Variants in SLC37A2 observed in about 807,000 individuals in gnomAD.
SLC37A2 encodes the protein solute carrier family 37 member 2.
In SLC37A2, 59 loss-of-function variants were observed where a neutral mutation model predicts 70.7. The observed-to-expected ratio is 0.83, with a 90% CI of 0.68 to 1.04. SLC37A2 has a LOEUF of 1.04. Among genes scored for constraint, SLC37A2 ranks in the 50% least tolerant of loss-of-function variants. The probability of loss-of-function intolerance (pLI) is 0.00; values close to 1 mark genes in which losing one functional copy is unlikely to be tolerated. For synonymous variants in SLC37A2, 257 were observed against 262.1 expected, an observed-to-expected ratio of 0.98 and a Z score of 0.19; for missense variants, 580 against 658.1, an observed-to-expected ratio of 0.88 and a Z score of 1.30.
chr11:125,073,075 C>T (rs758389234), intron 1 of SLC37A2, among the ~76,000 whole-genome samples: 1 of 152,160 alleles, frequency 6.6e-6, no homozygotes, highest in Non-Finnish European at 1.5e-5. Flanking sequence ...TGGTGGATTT[C>T]AGGGAGTTGG....
chr11:125,070,332 A>T (rs1429920801), intron 1 of SLC37A2, among the ~76,000 whole-genome samples: 1 of 152,230 alleles, frequency 6.6e-6, no homozygotes, highest in Non-Finnish European at 1.5e-5. Context: ...GGGGAAAGAC[A>T]TTCAAATTCA....
rs539972579 is a variant in SLC37A2, at chr11:125,065,238, A to G, written c.59+1812A>G. Among the ~76,000 whole-genome samples, 352 of 152,276 alleles carry G rather than the reference A, an allele frequency of 2.3e-3. 2 individuals are homozygous for G. The highest frequency in any genetic ancestry group is 8.0e-3 in the African/African-American group (331 of 41,544). ...TTTTTCTACAGTCTCTCCTGTTTTGATTTTTAAGAAAATTCTTAGAAGGAT... is the reference window on the plus strand; with the variant it reads ...TTTTTCTACAGTCTCTCCTGTTTTGGTTTTTAAGAAAATTCTTAGAAGGAT... On this transcript the variant is annotated intron_variant, in intron 1 of 17. Transcript: ENST00000403796.
At position 125,090,116 on chromosome 11, in the gene SLC37A2, C is replaced by T. The variant is rs1172219709; in HGVS notation, c.*1982C>T. 6.6e-6 allele frequency: 1 copy of T among 151,712 alleles called. No individual in the cohort carries two copies. Among genetic ancestry groups the T allele is most frequent in the Admixed American group, 6.6e-5 (1 of 15,240 alleles). The allele number at this position is 151,712 out of a possible 1,614,324, so 9.4% of individuals were successfully genotyped here. A position where few individuals can be genotyped will look rare whatever the true frequency, so the allele number is the denominator to read the frequency against. The stretch of plus-strand genomic sequence containing the variant: ...GGCCTCGGAGAACCTTTATATCTAG[C>T]TCAGGGATTGTAAATACACCCATCG... On this transcript the variant is annotated 3_prime_UTR_variant, in exon 18 of 18. Transcript: ENST00000403796.
At chr11:125,086,081 C>T (rs3808995) in intron 17 of SLC37A2, 63 bp downstream of exon 17, 973,528 of 1,560,606 alleles carry the variant, frequency 0.62, 310,040 homozygotes, top group African/African-American at 0.91. Context: ...ATCAGCCCAG[C>T]GCTCAGTTTC....
intron 1 of SLC37A2, among the ~76,000 whole-genome samples, chr11:125,069,170 G>C (rs992570464): frequency 2.6e-5 from 4 of 152,190 alleles, no homozygotes; most frequent in African/African-American, 9.7e-5. Context: ...TGTAATTTTT[G>C]TGGAACTGCA....
At chr11:125,067,605 TGAAA>T (rs1948994677) in intron 1 of SLC37A2, among the ~76,000 whole-genome samples, 1 of 152,224 alleles carries the variant, frequency 6.6e-6, no homozygotes, top group African/African-American at 2.4e-5. Flanking sequence ...TTTTAAAAGA[TGAAA>T]GAACAAATCT....
intron 4 of SLC37A2, among the ~76,000 whole-genome samples, chr11:125,078,246 G>A (rs1949111680): frequency 6.6e-6 from 1 of 152,364 alleles, no homozygotes; most frequent in South Asian, 2.1e-4. Context: ...GGGAATGACA[G>A]TGTAAGGAAG....
chr11:125,090,147 G>C lies in SLC37A2; in HGVS notation c.*2013G>C, dbSNP rs551080580. Reference sequence around the variant, plus strand: ...GATTGTAAATACACCCATCGGCACTGTGTATCTAGCTCAAGGTTTATAAAC... The same window carrying C: ...GATTGTAAATACACCCATCGGCACTCTGTATCTAGCTCAAGGTTTATAAAC... On this transcript the variant is annotated 3_prime_UTR_variant, in exon 18 of 18. Transcript: ENST00000403796. 3 of 151,810 alleles carry C rather than the reference G, an allele frequency of 2.0e-5. No individual in the cohort carries two copies. Among genetic ancestry groups the C allele is most frequent in the Non-Finnish European group, 4.4e-5 (3 of 68,002 alleles). The allele number at this position is 151,810 out of a possible 1,614,324, so 9.4% of individuals were successfully genotyped here.
At chr11:125,065,193 T>A (rs1175917136) in intron 1 of SLC37A2, among the ~76,000 whole-genome samples, 1 of 152,252 alleles carries the variant, frequency 6.6e-6, no homozygotes, top group Non-Finnish European at 1.5e-5. Context: ...CAAGGCATAG[T>A]TTTCCACGGA....
At chr11:125,086,282 G>C in intron 17 of SLC37A2, 1 of 1,556,942 alleles carries the variant, frequency 6.4e-7, no homozygotes, top group Non-Finnish European at 8.9e-7. Flanking sequence ...CTTCGAGTCT[G>C]TGACTCGAGT....
intron 13 of SLC37A2, 96 bp downstream of exon 13, chr11:125,084,969 G>A (rs1249846644): frequency 1.9e-6 from 3 of 1,590,210 alleles, no homozygotes; most frequent in Non-Finnish European, 2.6e-6. Flanking sequence ...ACAGGTGGAG[G>A]GGCTGGGAGG....
chr11:125,086,203 G>T lies in SLC37A2; in HGVS notation c.1490+185G>T, dbSNP rs569523075. 10 of 1,612,368 alleles carry T rather than the reference G, an allele frequency of 6.2e-6. No homozygotes were observed. The East Asian group carries it at 2.2e-4, about 36-fold the overall frequency. ...TCTGTTGTCCCCGTGTATCTCTATAGCTCTAGTATGGTCCTAACCCACCAG... is the reference window on the plus strand; with the variant it reads ...TCTGTTGTCCCCGTGTATCTCTATATCTCTAGTATGGTCCTAACCCACCAG... On this transcript the variant is annotated intron_variant, in intron 17 of 17. Coordinates refer to ENST00000403796, the MANE Select transcript of SLC37A2 (RefSeq NM_001145290.2).
In SLC37A2 at chr11:125,083,934, G is replaced by A. The variant is rs1481651819; in HGVS notation, c.1039+57G>A. 6.5e-7 allele frequency: 1 copy of A among 1,543,044 alleles called. No individual in the cohort carries two copies. The highest frequency in any genetic ancestry group is 9.0e-7 in the Non-Finnish European group (1 of 1,116,032). ...CCCTTCCCCTCTTTTCTTGTGGGGT[G>A]CAGGAAGAAGGGACAGGTCCGATGG... On this transcript the variant is annotated intron_variant, in intron 11 of 17. Transcript: ENST00000403796. This position sits in a 1 kb window ranked among gnomAD's most constrained non-coding sequence, Gnocchi z 4.6.
At position 125,085,469 on chromosome 11, in the gene SLC37A2, C is replaced by T. The variant is rs1165081107; in HGVS notation, c.1323C>T (p.Ser441=). The change falls in exon 15 of 18, where the codon TCC becomes TCT. Residue 441 remains serine, a synonymous_variant. Transcript: ENST00000403796. The part of the protein sequence containing the change: ...TVTAIIDGTG[S]IGAALGPLLA... The stretch of plus-strand genomic sequence containing the variant: ...CGGCCATCATTGACGGCACCGGCTC[C>T]ATAGGTCTGTGACTCTAGCTCTGTT... The T allele has an allele frequency of 6.2e-7, 1 of 1,613,986 alleles. No individual in the cohort carries two copies. The highest frequency in any genetic ancestry group is 8.5e-7 in the Non-Finnish European group (1 of 1,179,982).
chr11:125,086,609 G>A (rs1236687269), intron 17 of SLC37A2: 2 of 334,232 alleles, frequency 6.0e-6, no homozygotes, highest in South Asian at 2.9e-5. Context: ...CTCTGCCTGG[G>A]GTATGCAGAA....
chr11:125,077,588 C>A, intron 4 of SLC37A2, 60 bp downstream of exon 4: 1 of 1,343,600 alleles, frequency 7.4e-7, no homozygotes, highest in Non-Finnish European at 1.0e-6. Context: ...GCTACCTCCC[C>A]TTAAGGAACC....
intron 2 of SLC37A2, 82 bp from the exon 3 acceptor site, chr11:125,077,148 T>C (rs1949095747): frequency 1.9e-6 from 2 of 1,079,160 alleles, no homozygotes; most frequent in Non-Finnish European, 2.7e-6. Flanking sequence ...TAGGAGGCAG[T>C]GTCTCCAGTA....
intron 1 of SLC37A2, 112 bp from the exon 2 acceptor site, chr11:125,076,645 G>T: frequency 2.1e-6 from 2 of 940,566 alleles, no homozygotes; most frequent in South Asian, 1.4e-5. Context: ...GGAAAGAGTT[G>T]GTGGTCCTCA....
At chr11:125,076,429 C>T (rs985963269) in intron 1 of SLC37A2, among the ~76,000 whole-genome samples, 1 of 152,200 alleles carries the variant, frequency 6.6e-6, no homozygotes, top group Admixed American at 6.5e-5. Context: ...CATGCACACA[C>T]ACACAGGCGC....
Sources: allele counts gnomAD v4.1 joint callset (sites outside exome capture counted in the v4.1 genomes callset), GRCh38; gene constraint gnomAD v4.1.1; non-coding constraint Gnocchi (gnomAD v3.1); transcripts MANE v1.5; gene names NCBI Gene and HGNC (gene_info 2026-07-23, HGNC 2026-07-21).